The following PPFIA1 variants were observed in gnomAD, a reference collection of about 807,000 sequenced individuals.
PPFIA1 encodes the protein liprin-alpha-1.
Under a neutral mutation model 149.9 loss-of-function variants are expected in PPFIA1, and 25 were observed. The ratio of observed to expected loss-of-function variants is 0.17; its 90% CI spans 0.12 to 0.23. The LOEUF (loss-of-function observed/expected upper bound fraction) is 0.23, where lower values mean the gene tolerates loss of function less well. Among genes scored for constraint, PPFIA1 ranks in the 10% least tolerant of loss-of-function variants. PPFIA1 has a pLI of 1.00. For missense variants in PPFIA1, 1,362 were observed against 1,506.5 expected (o/e 0.90, Z 1.59); for synonymous variants, 549 against 552.8 (o/e 0.99, Z 0.10).
intron 26 of PPFIA1, among the ~76,000 whole-genome samples, chr11:70,380,556 G>A (rs958650501): frequency 6.6e-6 from 1 of 151,862 alleles, no homozygotes; most frequent in Non-Finnish European, 1.5e-5. Context: ...CAGCCTGGGC[G>A]ACAGAGCAGG....
chr11:70,352,260 A>C (rs1173124524), intron 16 of PPFIA1, among the ~76,000 whole-genome samples: 1 of 152,090 alleles, frequency 6.6e-6, no homozygotes, highest in African/African-American at 2.4e-5. Context: ...CTCTCCTGAG[A>C]AGTGAAGATA....
chr11:70,290,713 A>C (rs967455842), intron 2 of PPFIA1, among the ~76,000 whole-genome samples: 5 of 152,258 alleles, frequency 3.3e-5, no homozygotes, highest in African/African-American at 1.2e-4. Context: ...GTACATTTCC[A>C]AGTTTTTCTG....
At chr11:70,273,848 G>A (rs1370035675) in intron 2 of PPFIA1, among the ~76,000 whole-genome samples, 1 of 152,142 alleles carries the variant, frequency 6.6e-6, no homozygotes, top group Non-Finnish European at 1.5e-5. Context: ...GTAATTTAAG[G>A]TACACGTATT....
chr11:70,279,049 G>T, intron 2 of PPFIA1: 1 of 530,554 alleles, frequency 1.9e-6, no homozygotes, highest in Non-Finnish European at 3.6e-6. Flanking sequence ...AAGTAATGAG[G>T]GGTAGTATGC....
In PPFIA1 at chr11:70,337,413, A is replaced by G; in HGVS notation, c.1477A>G (p.Thr493Ala). 1 of 1,597,382 alleles carries G rather than the reference A, an allele frequency of 6.3e-7. No homozygotes were observed. Among genetic ancestry groups the G allele is most frequent in the South Asian group, 1.1e-5 (1 of 88,066 alleles). Residue 493 changes from threonine to alanine, a missense_variant, in exon 12 of 28, where the codon ACA becomes GCA. Transcript: ENST00000253925. ...VESAKKQLEE[T>A]QHDKDQLVLN... ...AAGTGCAAAAAAGCAGTTAGAAGAA[A>G]CACAACACGATAAGGTACTGAAATC...
intron 21 of PPFIA1, among the ~76,000 whole-genome samples, chr11:70,363,654 C>T (rs1938767): frequency 0.14 from 21,314 of 152,100 alleles, 1,676 homozygotes; most frequent in African/African-American, 0.19. Context: ...GTTGGGACTA[C>T]AGGTGTGCAC....
At chr11:70,357,326 G>A (rs2056406915) in intron 19 of PPFIA1, among the ~76,000 whole-genome samples, 2 of 152,230 alleles carry the variant, frequency 1.3e-5, no homozygotes, top group East Asian at 1.9e-4. Context: ...AGCCTATGGG[G>A]ACCCTCTCCC....
At chr11:70,315,680 T>G (rs1361500330) in intron 2 of PPFIA1, among the ~76,000 whole-genome samples, 1 of 48,690 alleles carries the variant, frequency 2.1e-5, no homozygotes, top group African/African-American at 1.8e-4. Context: ...TTTTTTCTGT[T>G]TTTTTTTTTT....
At chr11:70,370,595 G>A (rs547410043) in intron 21 of PPFIA1, among the ~76,000 whole-genome samples, 15 of 151,932 alleles carry the variant, frequency 9.9e-5, no homozygotes, top group Admixed American at 8.5e-4. Context: ...CTATGTTGGC[G>A]AGGCTGGTGT....
intron 2 of PPFIA1, among the ~76,000 whole-genome samples, chr11:70,301,115 G>T (rs1361656679): frequency 6.6e-6 from 1 of 152,132 alleles, no homozygotes; most frequent in African/African-American, 2.4e-5. Flanking sequence ...CCAATTTTCT[G>T]ATCTTGGCCA....
intron 15 of PPFIA1, among the ~76,000 whole-genome samples, chr11:70,344,961 A>T (rs1244802868): frequency 6.6e-6 from 1 of 152,126 alleles, no homozygotes. Flanking sequence ...GGAGCCACAG[A>T]AAGACCCAAC....
intron 23 of PPFIA1, among the ~76,000 whole-genome samples, chr11:70,372,976 A>G (rs1168788669): frequency 1.3e-5 from 2 of 152,218 alleles, no homozygotes; most frequent in East Asian, 3.9e-4. Flanking sequence ...GGGGTTCAGG[A>G]GAACAGGAGA....
chr11:70,370,868 G>A (rs1450875751), intron 21 of PPFIA1, among the ~76,000 whole-genome samples: 1 of 152,132 alleles, frequency 6.6e-6, no homozygotes, highest in Non-Finnish European at 1.5e-5. Flanking sequence ...AGTGGCTCAC[G>A]CCTGTAATCC....
intron 14 of PPFIA1, among the ~76,000 whole-genome samples, chr11:70,340,502 T>C (rs1226006798): frequency 1.3e-5 from 2 of 152,222 alleles, no homozygotes; most frequent in Non-Finnish European, 1.5e-5. Flanking sequence ...AGAATTCACC[T>C]TTGAACGTTT....
rs1412829239 is a variant in PPFIA1 at position 70,345,138 on chromosome 11, T to C, written c.1931+1246T>C. On this transcript the variant is annotated intron_variant, in intron 15 of 27. Transcript: ENST00000253925. Reference sequence around the variant, plus strand: ...CTTGGAAGCCACAGCCTTCACTTCCTCTCTATTCTGTTCATTTGAGTGAGG... The same window carrying C: ...CTTGGAAGCCACAGCCTTCACTTCCCCTCTATTCTGTTCATTTGAGTGAGG... Among the ~76,000 whole-genome samples the C allele has an allele frequency of 2.0e-5, 3 of 148,758 alleles. No individual in the cohort carries two copies. The East Asian group carries it at 5.9e-4, about 29-fold the overall frequency.
chr11:70,354,695 T>C (rs1294814850), intron 17 of PPFIA1, among the ~76,000 whole-genome samples: 2 of 152,068 alleles, frequency 1.3e-5, no homozygotes, highest in Admixed American at 6.5e-5. Context: ...TTAAATGATA[T>C]CAGCAAGTTT....
At chr11:70,286,943 T>C (rs553235719) in intron 2 of PPFIA1, among the ~76,000 whole-genome samples, 16 of 122,864 alleles carry the variant, frequency 1.3e-4, no homozygotes, top group Admixed American at 9.0e-4. Context: ...CACATATATA[T>C]ACACATATAC....
At chr11:70,315,678 G>GTTTTTTTTTTTTTTTT (rs71049904) in intron 2 of PPFIA1, among the ~76,000 whole-genome samples, 15 of 73,004 alleles carry the variant, frequency 2.1e-4, no homozygotes, top group East Asian at 4.9e-4. Context: ...CTTTTTTTCT[G>GTTTTTTTTTTTTTTTT]TTTTTTTTTT....
intron 7 of PPFIA1, chr11:70,327,749 G>A (rs2054402325): frequency 6.6e-6 from 1 of 151,430 alleles, no homozygotes. Context: ...CTCCAGCCTG[G>A]GCGGCAGAGC....
Sources: gnomAD v4.1 joint callset for allele counts (sites outside exome capture counted in the v4.1 genomes callset) on GRCh38, gnomAD v4.1.1 for gene constraint, MANE v1.5 for transcripts, NCBI Gene and HGNC (gene_info 2026-07-23, HGNC 2026-07-21) for gene names.